WLS: variants seen among roughly 807,000 people sequenced by gnomAD.
WLS encodes the protein protein wntless homolog.
Under a neutral mutation model 62.8 loss-of-function variants are expected in WLS, and 23 were observed. The observed-to-expected ratio is 0.37, with a 90% CI of 0.26 to 0.52. The LOEUF (loss-of-function observed/expected upper bound fraction) is 0.52, where lower values mean the gene tolerates loss of function less well. Among genes scored for constraint, WLS ranks in the 20% least tolerant of loss-of-function variants. The probability of loss-of-function intolerance (pLI) is 0.92; values close to 1 mark genes in which losing one functional copy is unlikely to be tolerated. For missense variants in WLS, 615 were observed against 697.3 expected (o/e 0.88, Z 1.33); for synonymous variants, 246 against 244.1 (o/e 1.01, Z -0.07).
chr1:68,201,111 A>G (rs187730290), intron 1 of WLS, among the ~76,000 whole-genome samples: 7 of 152,304 alleles, frequency 4.6e-5, no homozygotes, highest in African/African-American at 1.7e-4. Flanking sequence ...CGCCAGCTCA[A>G]AAGCCTTAAT....
Position 68,193,241 on chromosome 1 carries a change from G to GA in WLS, c.379+713dup, listed in dbSNP as rs572693985. On this transcript the variant is annotated intron_variant, in intron 2 of 11. Coordinates refer to ENST00000262348, the MANE Select transcript of WLS (RefSeq NM_024911.7). The stretch of plus-strand genomic sequence containing the variant: ...CCTTGATCCCATCTCAGTCAAAAAG[G>GA]AAAAAACAAAAAGTTTTCTTACTTC... 6.6e-5 allele frequency among the ~76,000 whole-genome samples: 10 copies of GA among 150,912 alleles called. 1 individual carries two copies. The South Asian group carries it at 2.1e-3, about 32-fold the overall frequency.
chr1:68,188,619 G>A (rs1478413983), intron 2 of WLS, among the ~76,000 whole-genome samples: 1 of 152,204 alleles, frequency 6.6e-6, no homozygotes, highest in Non-Finnish European at 1.5e-5. Flanking sequence ...AGGCTCCAGG[G>A]GAATGTAAAA....
At chr1:68,151,139 C>G (rs1646820343) in intron 5 of WLS, among the ~76,000 whole-genome samples, 1 of 152,192 alleles carries the variant, frequency 6.6e-6, no homozygotes, top group Non-Finnish European at 1.5e-5. Flanking sequence ...ACCAGGACTT[C>G]TGACTTTGAC....
rs1646414280 is a variant in WLS, at chr1:68,125,405, A to C, written c.*821T>G. 2.1e-6 allele frequency: 2 copies of C among 961,454 alleles called. No homozygotes were observed. The highest frequency in any genetic ancestry group is 7.1e-5 in the Admixed American group (1 of 14,152). 59.6% of individuals were successfully genotyped at this position (961,454 alleles called of 1,614,324 possible). A position where few individuals can be genotyped will look rare whatever the true frequency, so the allele number is the denominator to read the frequency against. On this transcript the variant is annotated 3_prime_UTR_variant, in exon 12 of 12. Coordinates refer to ENST00000262348, the MANE Select transcript of WLS (RefSeq NM_024911.7). Reference sequence around the variant, plus strand: ...TATGCATGTACACATATGCATATACATACAGGTTTATTTAAATGATTGGAT... The same window carrying C: ...TATGCATGTACACATATGCATATACCTACAGGTTTATTTAAATGATTGGAT...
At chr1:68,168,178 T>C (rs1188173517) in intron 2 of WLS, among the ~76,000 whole-genome samples, 1 of 152,004 alleles carries the variant, frequency 6.6e-6, no homozygotes, top group African/African-American at 2.4e-5. Flanking sequence ...AGCTGCTTAA[T>C]GTAAGAATGG....
rs572826324 is a variant in WLS, at chr1:68,104,647, C to T, written c.1511-5894G>A. On this transcript the variant is annotated intron_variant, in intron 11 of 11. Transcript: ENST00000354777. ...GATTGCAGCCTGGTGCGATGGCTTG[C>T]ACCTATAATCCCAGCACTTTGGGAT... is the stretch of plus-strand genomic sequence containing the variant. 4.1e-4 allele frequency among the ~76,000 whole-genome samples: 63 copies of T among 152,286 alleles called. 1 individual carries two copies. The highest frequency in any genetic ancestry group is 1.4e-3 in the African/African-American group (58 of 41,568).
chr1:68,193,446 A>C (rs1648477943), intron 2 of WLS, among the ~76,000 whole-genome samples: 1 of 137,640 alleles, frequency 7.3e-6, no homozygotes, highest in South Asian at 2.4e-4. Context: ...AAAAAAACGA[A>C]AAAAAAACCT....
At chr1:68,178,536 G>A (rs986123262) in intron 2 of WLS, among the ~76,000 whole-genome samples, 12 of 151,904 alleles carry the variant, frequency 7.9e-5, no homozygotes, top group African/African-American at 1.2e-4. Flanking sequence ...GTGAAACCCC[G>A]TCTATACTAA....
At chr1:68,148,962 T>C (rs531036565) in intron 6 of WLS, among the ~76,000 whole-genome samples, 3 of 152,312 alleles carry the variant, frequency 2.0e-5, no homozygotes, top group Admixed American at 1.3e-4. Context: ...GGACATTTTG[T>C]GGTCCACAAA....
At chr1:68,110,146 T>C (rs1646205406) in intron 11 of WLS, among the ~76,000 whole-genome samples, 1 of 151,326 alleles carries the variant, frequency 6.6e-6, no homozygotes, top group Non-Finnish European at 1.5e-5. Flanking sequence ...TTGAGAAAAG[T>C]GAAGGTATAA....
At chr1:68,130,889 CTTTTTTT>C (rs56038722) in intron 11 of WLS, among the ~76,000 whole-genome samples, 8 of 100,838 alleles carry the variant, frequency 7.9e-5, no homozygotes, top group African/African-American at 2.7e-4. Flanking sequence ...GTTTCTTCTT[CTTTTTTT>C]TTTTTTTTTT....
chr1:68,152,374 G>A (rs1646838449), intron 5 of WLS, among the ~76,000 whole-genome samples: 1 of 152,132 alleles, frequency 6.6e-6, no homozygotes, highest in Non-Finnish European at 1.5e-5. Flanking sequence ...AAGAGAAGAG[G>A]TCCAAAGCAG....
intron 1 of WLS, among the ~76,000 whole-genome samples, chr1:68,221,284 T>A (rs968049439): frequency 1.3e-5 from 2 of 152,196 alleles, no homozygotes; most frequent in African/African-American, 4.8e-5. Context: ...GGTCCCACAG[T>A]TGCCTGTCAC....
rs551546889 is a variant in WLS, at chr1:68,125,847, C to T, written c.*379G>A. On this transcript the variant is annotated 3_prime_UTR_variant, in exon 12 of 12. Transcript: ENST00000262348. ...TTAAAATCTATCCTAGAATTTAAAA[C>T]AGGAAAAATGTCAAATATTCCACTC... 2 of 1,020,744 alleles carry T rather than the reference C, an allele frequency of 2.0e-6. No homozygotes were observed. Among genetic ancestry groups the T allele is most frequent in the South Asian group, 8.2e-5 (2 of 24,464 alleles). The allele number at this position is 1,020,744 out of a possible 1,614,324, so 63.2% of individuals were successfully genotyped here. A position where few individuals can be genotyped will look rare whatever the true frequency, so the allele number is the denominator to read the frequency against.
Position 68,112,869 on chromosome 1 carries a change from G to A in WLS, c.1511-14116C>T, listed in dbSNP as rs111235250. Among the ~76,000 whole-genome samples the A allele has an allele frequency of 7.9e-4, 121 of 152,320 alleles. 1 individual carries two copies. The highest frequency in any genetic ancestry group is 2.8e-3 in the African/African-American group (116 of 41,576). Reference sequence around the variant, plus strand: ...ATGGAAACAAATATCTTCTCTTCCTGGCCTCTTGGACCAAAACAAACAGAC... The same window carrying A: ...ATGGAAACAAATATCTTCTCTTCCTAGCCTCTTGGACCAAAACAAACAGAC... On this transcript the variant is annotated intron_variant, in intron 11 of 11. Coordinates refer to the WLS transcript ENST00000354777.
intron 1 of WLS, among the ~76,000 whole-genome samples, chr1:68,231,408 A>G (rs907691415): frequency 1.6e-4 from 24 of 151,968 alleles, no homozygotes; most frequent in Admixed American, 8.5e-4. Context: ...ATTCACAGTC[A>G]CCGGCTCTCG....
In WLS at chr1:68,118,875, C is replaced by CAAAAAAAA. The variant is rs33982774; in HGVS notation, c.1510+18897_1510+18904dup. On this transcript the variant is annotated intron_variant, in intron 11 of 11. Coordinates refer to the WLS transcript ENST00000354777. ...CTGGGTGACGAGCAAGACTCTGTCT[C>CAAAAAAAA]AAAAAAAAAAAAAAAAAAAAAAAAA... is the stretch of plus-strand genomic sequence containing the variant. Among the ~76,000 whole-genome samples, 91 of 26,390 alleles carry CAAAAAAAA rather than the reference C, an allele frequency of 3.4e-3. 24 individuals carry two copies. The highest frequency in any genetic ancestry group is 5.3e-3 in the South Asian group (2 of 374). The allele number at this position is 26,390 out of a possible 152,430, so 17.3% of individuals were successfully genotyped here. A position where few individuals can be genotyped will look rare whatever the true frequency, so the allele number is the denominator to read the frequency against.
chr1:68,226,892 T>C (rs1042039231), intron 1 of WLS, among the ~76,000 whole-genome samples: 1 of 152,214 alleles, frequency 6.6e-6, no homozygotes, highest in African/African-American at 2.4e-5. Flanking sequence ...GCAGTTTATA[T>C]GGATTTAAAC....
intron 11 of WLS, among the ~76,000 whole-genome samples, chr1:68,118,073 G>GA (rs1646316861): frequency 6.6e-6 from 1 of 151,628 alleles, no homozygotes; most frequent in South Asian, 2.1e-4. Context: ...AACTATAAAA[G>GA]AAAAAATGTA....
Sources: gnomAD v4.1 joint callset for allele counts (sites outside exome capture counted in the v4.1 genomes callset) on GRCh38, gnomAD v4.1.1 for gene constraint, MANE v1.5 for transcripts, NCBI Gene and HGNC (gene_info 2026-07-23, HGNC 2026-07-21) for gene names.